Variants in OLFML2B observed in about 807,000 individuals in gnomAD.
OLFML2B encodes the protein olfactomedin like 2B, also known as olfactomedin-like protein 2B.
A neutral mutation model predicts 74.9 loss-of-function variants in OLFML2B; 57 were observed. The observed-to-expected ratio is 0.76, with a 90% CI of 0.61 to 0.95. The LOEUF (loss-of-function observed/expected upper bound fraction) is 0.95, where lower values mean the gene tolerates loss of function less well. OLFML2B is among the 40% of genes least tolerant of loss of function. The pLI is 0.00. For synonymous variants in OLFML2B, 388 were observed against 405.8 expected (o/e 0.96, Z 0.53); for missense variants, 986 against 970.6 (o/e 1.02, Z -0.21).
chr1:161,996,729 C>T (rs1279297367), intron 6 of OLFML2B, among the ~76,000 whole-genome samples: 1 of 152,160 alleles, frequency 6.6e-6, no homozygotes, highest in Non-Finnish European at 1.5e-5. Context: ...TCTCTACTTT[C>T]CTATTTCACT....
At chr1:161,990,873 T>G (rs1211987985) in intron 6 of OLFML2B, among the ~76,000 whole-genome samples, 1 of 152,224 alleles carries the variant, frequency 6.6e-6, no homozygotes, top group African/African-American at 2.4e-5. Context: ...TTCAAAATCC[T>G]TTGTTGCCAT....
chr1:161,985,151 A>T, intron 6 of OLFML2B, 171 bp from the exon 7 acceptor site: 1 of 551,888 alleles, frequency 1.8e-6, no homozygotes, highest in Non-Finnish European at 3.1e-6. Context: ...CCCCTGATCC[A>T]CCCTACACTT....
chr1:162,017,332 C>T, intron 3 of OLFML2B, 68 bp downstream of exon 3: 1 of 1,192,816 alleles, frequency 8.4e-7, no homozygotes, highest in Non-Finnish European at 1.2e-6. Flanking sequence ...TGAAAATTTA[C>T]TGTGGGACGT....
chr1:162,005,415 T>C (rs117044102), intron 4 of OLFML2B, among the ~76,000 whole-genome samples: 1 of 152,330 alleles, frequency 6.6e-6, no homozygotes, highest in East Asian at 1.9e-4. Context: ...ATCTGTTTCC[T>C]TATCTGTAAA....
At chr1:161,995,660 A>G (rs1015137084) in intron 6 of OLFML2B, among the ~76,000 whole-genome samples, 3 of 152,186 alleles carry the variant, frequency 2.0e-5, no homozygotes, top group African/African-American at 7.2e-5. Flanking sequence ...CTGGCTAGCA[A>G]GTCACCGACG....
At chr1:162,021,858 A>G (rs1366183945) in intron 1 of OLFML2B, among the ~76,000 whole-genome samples, 1 of 152,150 alleles carries the variant, frequency 6.6e-6, no homozygotes, top group Non-Finnish European at 1.5e-5. Flanking sequence ...AGTGTTCCAG[A>G]GCCCCAGTGT....
chr1:161,986,796 G>C (rs114269178), intron 6 of OLFML2B, among the ~76,000 whole-genome samples: 18 of 152,206 alleles, frequency 1.2e-4, no homozygotes, highest in African/African-American at 4.3e-4. Context: ...GCAATCCTCT[G>C]CCCTGGCAAA....
At position 162,023,541 on chromosome 1, in the gene OLFML2B, T is replaced by G. The variant is rs1004112396; in HGVS notation, c.-111A>C. The G allele has an allele frequency of 4.2e-5, 47 of 1,108,682 alleles. No homozygotes were observed. Among genetic ancestry groups the G allele is most frequent in the Non-Finnish European group, 3.6e-5 (30 of 823,428 alleles). 68.7% of individuals were successfully genotyped at this position (1,108,682 alleles called of 1,614,324 possible). A position where few individuals can be genotyped will look rare whatever the true frequency, so the allele number is the denominator to read the frequency against. ...CTCGCTAGAGCCCGAAAGTGGCTGC[T>G]GAGAGCACCTTCTAAAGCTGGGTGC... On this transcript the variant is annotated 5_prime_UTR_variant, in exon 1 of 8. Coordinates refer to ENST00000294794, the MANE Select transcript of OLFML2B (RefSeq NM_015441.3).
rs767302206 is a variant in OLFML2B at position 161,984,209 on chromosome 1, G to T, written c.1719C>A (p.Gly573=). ...WIGTGHVVYN[G]AFYYNRAFTR... is the part of the protein sequence containing the mutation. ...TGAAGGCGCGATTGTAGTAGAAGGC[G>T]CCATTGTATACCACGTGGCCTGTGC... The change falls in exon 8 of 8, where the codon GGC becomes GGA. Residue 573 remains glycine (G), a synonymous_variant. Coordinates refer to ENST00000294794, the MANE Select transcript of OLFML2B (RefSeq NM_015441.3). 6.3e-7 allele frequency: 1 copy of T among 1,579,640 alleles called. No individual in the cohort carries two copies. Among genetic ancestry groups the T allele is most frequent in the Non-Finnish European group, 8.6e-7 (1 of 1,163,478 alleles).
intron 6 of OLFML2B, among the ~76,000 whole-genome samples, chr1:161,986,326 T>C (rs1689592764): frequency 6.6e-6 from 1 of 152,222 alleles, no homozygotes; most frequent in Middle Eastern, 3.2e-3. Context: ...ATCCGTTCCA[T>C]CTACTCTGCT....
intron 3 of OLFML2B, among the ~76,000 whole-genome samples, chr1:162,010,679 A>G (rs1270931299): frequency 6.6e-6 from 1 of 151,748 alleles, no homozygotes; most frequent in Non-Finnish European, 1.5e-5. Context: ...AAAGATGACC[A>G]TGGGGCAGAA....
rs767613693 is a variant in OLFML2B, at chr1:162,023,338, G to A, written c.93C>T (p.Pro31=). 1.9e-6 allele frequency: 3 copies of A among 1,607,568 alleles called. No individual in the cohort carries two copies. The highest frequency in any genetic ancestry group is 2.2e-5 in the South Asian group (2 of 90,574). ...SSIVLTGTSE[P]PDAQTVAPAE... ...CAGGCGCCACTGTCTGCGCATCTGG[G>A]GGCTCGCTTGTCCCTGTGAGGACAA... Residue 31 remains proline (P), a synonymous_variant, in exon 1 of 8, where the codon CCC becomes CCT. Transcript: ENST00000294794.
intron 2 of OLFML2B, among the ~76,000 whole-genome samples, chr1:162,019,593 T>C (rs1242257189): frequency 6.6e-6 from 1 of 152,202 alleles, no homozygotes; most frequent in Admixed American, 6.5e-5. Flanking sequence ...TTGGGGTGTG[T>C]GCTAGGCTGA....
intron 4 of OLFML2B, 88 bp downstream of exon 4, chr1:162,006,209 A>C (rs1690224814): frequency 7.8e-7 from 1 of 1,284,672 alleles, no homozygotes. Flanking sequence ...GAAAGGACTG[A>C]AGCCTGAAAA....
chr1:162,006,277 C>A lies in OLFML2B; in HGVS notation c.723+20G>T, dbSNP rs751409076. The A allele has an allele frequency of 6.5e-7, 1 of 1,535,420 alleles. No individual in the cohort carries two copies. Among genetic ancestry groups the A allele is most frequent in the Non-Finnish European group, 8.7e-7 (1 of 1,145,682 alleles). ...CTTCCAGGGCTTGTGATCAGAGGCC[C>A]TTGGAGGCTGGGGCTATACCTCTGG... On this transcript the variant is annotated intron_variant, in intron 4 of 7. Transcript: ENST00000294794.
intron 1 of OLFML2B, among the ~76,000 whole-genome samples, chr1:162,021,268 C>T (rs1426590850): frequency 2.0e-5 from 3 of 152,234 alleles, no homozygotes; most frequent in Non-Finnish European, 2.9e-5. Flanking sequence ...AACCCCAGGC[C>T]AAACCCAGGA....
At chr1:162,012,959 T>A (rs1426114375) in intron 3 of OLFML2B, among the ~76,000 whole-genome samples, 1 of 152,238 alleles carries the variant, frequency 6.6e-6, no homozygotes, top group Non-Finnish European at 1.5e-5. Context: ...CAGTATGTGC[T>A]GCTAGGGGTT....
rs1174208025 is a variant in OLFML2B, at chr1:162,020,189, A to G, written c.175-7T>C. The G allele has an allele frequency of 1.9e-6, 3 of 1,613,692 alleles. No homozygotes were observed. The highest frequency in any genetic ancestry group is 1.1e-5 in the South Asian group (1 of 91,064). ...TGTCATAGTCCCCCAGCAACTAGACACACAGAAAACGGGTTAGGGGCATGC... is the reference window on the plus strand; with the variant it reads ...TGTCATAGTCCCCCAGCAACTAGACGCACAGAAAACGGGTTAGGGGCATGC... On this transcript the variant is annotated splice_region_variant and splice_polypyrimidine_tract_variant and intron_variant, in intron 1 of 7. Transcript: ENST00000294794.
intron 1 of OLFML2B, among the ~76,000 whole-genome samples, chr1:162,022,244 CTTTTTTTTTTTTTTTT>C (rs56395023): frequency 1.4e-5 from 1 of 70,738 alleles, no homozygotes; most frequent in Non-Finnish European, 2.6e-5. Context: ...TGTATCTCTT[CTTTTTTTTTTTTTTTT>C]TTTTTTTTGA....
Sources: allele counts gnomAD v4.1 joint callset (sites outside exome capture counted in the v4.1 genomes callset), GRCh38; gene constraint gnomAD v4.1.1; transcripts MANE v1.5; gene names NCBI Gene and HGNC (gene_info 2026-07-23, HGNC 2026-07-21).